VWA3A: variants seen among roughly 807,000 people sequenced by gnomAD.
VWA3A encodes von Willebrand factor A domain-containing protein 3A.
In VWA3A, 134 loss-of-function variants were observed where a neutral mutation model predicts 160.4. That is an observed-to-expected ratio of 0.84 (90% CI 0.73 to 0.96). The LOEUF (loss-of-function observed/expected upper bound fraction) is 0.96, where lower values mean the gene tolerates loss of function less well. VWA3A is among the 40% of genes least tolerant of loss of function. The probability of loss-of-function intolerance (pLI) is 0.00; values close to 1 mark genes in which losing one functional copy is unlikely to be tolerated. For missense variants in VWA3A, 1,310 were observed against 1,447.9 expected (o/e 0.90, Z 1.55); for synonymous variants, 476 against 543.4 (o/e 0.88, Z 1.72).
chr16:22,106,920 G>T (rs991078698), intron 6 of VWA3A, among the ~76,000 whole-genome samples: 1 of 152,216 alleles, frequency 6.6e-6, no homozygotes, highest in African/African-American at 2.4e-5. Flanking sequence ...TGGGGCCAGA[G>T]TGCCTGGGCC....
Position 22,152,518 on chromosome 16 carries a change from G to C in VWA3A, c.3289G>C (p.Val1097Leu). The change falls in exon 31 of 34, where the codon GTT becomes CTT. Residue 1097 changes from valine to leucine, a missense_variant. Val to Leu is a conservative substitution (Grantham distance 32, BLOSUM62 1). Coordinates refer to ENST00000389398, the MANE Select transcript of VWA3A (RefSeq NM_173615.5). ...TCTGTCCCTTCCTTCCAGAGCGGCG[G>C]TTGAGTTCCTGAGAAAGCTGGCTTC... Reference protein sequence around the residue: ...ISLNCSDRAAVEFLRKLASFT... With the variant: ...ISLNCSDRAALEFLRKLASFT... 1 of 1,612,528 alleles carries C rather than the reference G, an allele frequency of 6.2e-7. No homozygotes were observed.
intron 11 of VWA3A, among the ~76,000 whole-genome samples, chr16:22,117,985 A>G (rs1325269403): frequency 1.3e-5 from 2 of 152,356 alleles, no homozygotes; most frequent in African/African-American, 4.8e-5. Flanking sequence ...ATTTTATCTT[A>G]AAACCTGTGG....
At position 22,150,678 on chromosome 16, in the gene VWA3A, T is replaced by C; in HGVS notation, c.3130-17T>C. The C allele has an allele frequency of 6.3e-7, 1 of 1,599,206 alleles. No individual in the cohort carries two copies. The highest frequency in any genetic ancestry group is 8.5e-7 in the Non-Finnish European group (1 of 1,172,498). ...AGCCTCTCCCCTGAGCCTGACAGCCTTCCTGCGTTCTTTCAGAAAGCTTTC... is the reference window on the plus strand; with the variant it reads ...AGCCTCTCCCCTGAGCCTGACAGCCCTCCTGCGTTCTTTCAGAAAGCTTTC... On this transcript the variant is annotated splice_polypyrimidine_tract_variant and intron_variant, in intron 29 of 33. Transcript: ENST00000389398.
At chr16:22,109,924 C>T (rs1372418025) in intron 7 of VWA3A, among the ~76,000 whole-genome samples, 2 of 152,202 alleles carry the variant, frequency 1.3e-5, no homozygotes, top group South Asian at 4.1e-4. Flanking sequence ...GATGGAAGAG[C>T]TATTCTGGTT....
chr16:22,149,882 T>C lies in VWA3A; in HGVS notation c.3080T>C (p.Val1027Ala). ...GCGTGTCATGAGGCTATGCAATGGG[T>C]GACCCACCTGCAAGCTCAGGGCAGC... ...DAACHEAMQWVTHLQAQGSTS... is the reference protein window; with the variant it reads ...DAACHEAMQWATHLQAQGSTS... The change falls in exon 29 of 34, where the codon GTG (valine) becomes GCG (alanine). Residue 1027 changes from valine (V) to alanine (A), a missense_variant. Coordinates refer to ENST00000389398, the MANE Select transcript of VWA3A (RefSeq NM_173615.5). 6.2e-7 allele frequency: 1 copy of C among 1,612,242 alleles called. No homozygotes were observed. The highest frequency in any genetic ancestry group is 1.1e-5 in the South Asian group (1 of 90,720).
Position 22,141,562 on chromosome 16 carries a change from A to G in VWA3A, c.2384-20A>G, listed in dbSNP as rs1256831366. ...AGAATGCATGCAGCTGCTCCAGCCA[A>G]CAAGCCAAATGTTCCTCAGCTGCGG... On this transcript the variant is annotated intron_variant, in intron 23 of 33. Transcript: ENST00000389398. 5.0e-6 allele frequency: 8 copies of G among 1,595,708 alleles called. No homozygotes were observed. Among genetic ancestry groups the G allele is most frequent in the Non-Finnish European group, 6.8e-6 (8 of 1,171,164 alleles).
intron 16 of VWA3A, 139 bp downstream of exon 16, chr16:22,123,846 C>T (rs2045791382): frequency 1.3e-6 from 1 of 771,820 alleles, no homozygotes; most frequent in Non-Finnish European, 2.1e-6. Context: ...GCAGAACCCC[C>T]AGAGGAGGAA....
At chr16:22,130,535 A>G (rs1232516375) in intron 17 of VWA3A, among the ~76,000 whole-genome samples, 1 of 152,104 alleles carries the variant, frequency 6.6e-6, no homozygotes, top group Admixed American at 6.6e-5. Flanking sequence ...AAGGGTATAA[A>G]TCCTCTTCTC....
At chr16:22,139,461 C>T (rs1199772309) in intron 22 of VWA3A, among the ~76,000 whole-genome samples, 3 of 152,078 alleles carry the variant, frequency 2.0e-5, no homozygotes, top group Non-Finnish European at 4.4e-5. Flanking sequence ...TTTGGGAGGC[C>T]AAGGCAGGCG....
At chr16:22,108,039 A>G (rs1473302520) in intron 6 of VWA3A, among the ~76,000 whole-genome samples, 1 of 152,216 alleles carries the variant, frequency 6.6e-6, no homozygotes, top group Non-Finnish European at 1.5e-5. Flanking sequence ...AGAGTTCGGG[A>G]AAGTCAAGAA....
intron 23 of VWA3A, chr16:22,141,254 A>G (rs777725902): frequency 3.9e-6 from 2 of 517,474 alleles, no homozygotes; most frequent in South Asian, 3.1e-5. Context: ...GACCAGGTAG[A>G]ATCATGCCCT....
Position 22,097,553 on chromosome 16 carries a change from ATTAC to A in VWA3A, c.102-16_102-13del, listed in dbSNP as rs1394110345. ...TGCCCAGTGCTGGGGCATTGATCAAATTACTTTATGTTTTGTAGCATTAGGAGAA... is the reference window on the plus strand; with the variant it reads ...TGCCCAGTGCTGGGGCATTGATCAAATTTATGTTTTGTAGCATTAGGAGAA... On this transcript the variant is annotated splice_polypyrimidine_tract_variant and intron_variant, in intron 2 of 33. Coordinates refer to ENST00000389398, the MANE Select transcript of VWA3A (RefSeq NM_173615.5). 2 of 1,550,884 alleles carry A rather than the reference ATTAC, an allele frequency of 1.3e-6. No homozygotes were observed. The highest frequency in any genetic ancestry group is 1.7e-6 in the Non-Finnish European group (2 of 1,146,782).
intron 8 of VWA3A, among the ~76,000 whole-genome samples, chr16:22,113,265 C>T (rs1284784350): frequency 3.4e-5 from 5 of 146,118 alleles, no homozygotes; most frequent in South Asian, 4.4e-4. Context: ...GATCTTGGCT[C>T]ACCACAACAT....
At chr16:22,126,129 A>G (rs1340340516) in intron 16 of VWA3A, 49 bp from the exon 17 acceptor site, 2 of 1,607,174 alleles carry the variant, frequency 1.2e-6, no homozygotes, top group Non-Finnish European at 1.7e-6. Flanking sequence ...CAAAATAAAC[A>G]TTATCTCAGA....
chr16:22,109,363 C>G, intron 6 of VWA3A, 119 bp from the exon 7 acceptor site: 1 of 795,924 alleles, frequency 1.3e-6, no homozygotes, highest in Non-Finnish European at 2.1e-6. Flanking sequence ...AGGTTTCCAT[C>G]TGCTGCTGCT....
chr16:22,152,810 C>T (rs528474949), intron 31 of VWA3A, among the ~76,000 whole-genome samples, 176 bp downstream of exon 31: 4 of 152,162 alleles, frequency 2.6e-5, no homozygotes, highest in South Asian at 2.1e-4. Context: ...TTCCTTCTGA[C>T]GAAAAAGATC....
intron 23 of VWA3A, among the ~76,000 whole-genome samples, chr16:22,140,805 T>C (rs890223183): frequency 1.1e-4 from 17 of 150,582 alleles, no homozygotes; most frequent in African/African-American, 3.7e-4. Flanking sequence ...AGAGACGGGG[T>C]TTCACCATGT....
At position 22,100,492 on chromosome 16, in the gene VWA3A, G is replaced by C. The variant is rs1158520283; in HGVS notation, c.427G>C (p.Asp143His). The change falls in exon 5 of 34, where the codon GAC becomes CAC. Residue 143 changes from aspartate to histidine, a missense_variant and splice_region_variant. By Grantham distance (81) the Asp-to-His change is moderately conservative. Coordinates refer to ENST00000389398, the MANE Select transcript of VWA3A (RefSeq NM_173615.5). ...IIRHFESKLS[D>H]TIEVYQERIQ... is the part of the protein sequence containing the mutation. ...CCGCCATTTTGAGTCAAAGCTTTCT[G>C]AGTAAGTATGTTTCTCACTGTCCTC... The C allele has an allele frequency of 4.5e-6, 7 of 1,551,346 alleles. No individual in the cohort carries two copies. Among genetic ancestry groups the C allele is most frequent in the Non-Finnish European group, 6.1e-6 (7 of 1,146,924 alleles).
chr16:22,123,283 C>T (rs948400613), intron 15 of VWA3A, 118 bp downstream of exon 15: 3 of 1,127,526 alleles, frequency 2.7e-6, no homozygotes, highest in African/African-American at 3.1e-5. Flanking sequence ...TAAAGAGGGA[C>T]TGTGTGCTCC....
Sources: gnomAD v4.1 joint callset for allele counts (sites outside exome capture counted in the v4.1 genomes callset) on GRCh38, gnomAD v4.1.1 for gene constraint, MANE v1.5 for transcripts, NCBI Gene and HGNC (gene_info 2026-07-23, HGNC 2026-07-21) for gene names.